The following STARD13 variants were observed in gnomAD, a reference collection of about 807,000 sequenced individuals.
STARD13 encodes StAR related lipid transfer domain containing 13.
In STARD13, 62 loss-of-function variants were observed where a neutral mutation model predicts 106.4. The ratio of observed to expected loss-of-function variants is 0.58; its 90% CI spans 0.48 to 0.72. The LOEUF is 0.72. Ranked by LOEUF, STARD13 falls within the 30% of genes least tolerant of loss-of-function variation. The pLI, the probability that STARD13 is intolerant of heterozygous loss-of-function variation, is 0.00. For missense variants in STARD13, 1,387 were observed against 1,424.0 expected (o/e 0.97, Z 0.42); for synonymous variants, 565 against 553.0 (o/e 1.02, Z -0.31).
intron 12 of STARD13, 104 bp downstream of exon 12, chr13:33,109,768 CG>C (rs1874258111): frequency 9.6e-7 from 1 of 1,046,524 alleles, no homozygotes; most frequent in African/African-American, 1.6e-5. Flanking sequence ...TAGTGTTCCC[CG>C]TGGAGGCTGG....
At chr13:33,593,117 T>G in the STARD13 span, among the ~76,000 whole-genome samples, 1 of 152,208 alleles carries the variant, frequency 6.6e-6, no homozygotes, top group African/African-American at 2.4e-5. Context: ...CTGACAATTA[T>G]GTCAATTCAG....
the STARD13 span, among the ~76,000 whole-genome samples, chr13:33,670,085 G>T: frequency 6.6e-6 from 1 of 152,120 alleles, no homozygotes; most frequent in Admixed American, 6.5e-5. Flanking sequence ...GATCATTTGG[G>T]CTGCAGGATC....
At chr13:33,469,159 A>G in the STARD13 span, among the ~76,000 whole-genome samples, 2 of 152,182 alleles carry the variant, frequency 1.3e-5, no homozygotes, top group African/African-American at 4.8e-5. Flanking sequence ...CCCTAAGAAT[A>G]AGACTATAAG....
chr13:33,111,018 G>A, intron 10 of STARD13, 111 bp from the exon 11 acceptor site: 2 of 861,994 alleles, frequency 2.3e-6, no homozygotes, highest in Admixed American at 2.2e-5. Context: ...CGGGCCGAGG[G>A]CCACACGGCC....
the STARD13 span, among the ~76,000 whole-genome samples, chr13:33,505,249 G>A: frequency 6.6e-6 from 1 of 152,058 alleles, no homozygotes; most frequent in African/African-American, 2.4e-5. Flanking sequence ...TACAAATAAG[G>A]AAACTGAGAA....
At chr13:33,448,846 A>T in the STARD13 span, among the ~76,000 whole-genome samples, 1 of 152,160 alleles carries the variant, frequency 6.6e-6, no homozygotes, top group Non-Finnish European at 1.5e-5. Context: ...ATGATTAAAA[A>T]TGTTGAGCTT....
the STARD13 span, among the ~76,000 whole-genome samples, chr13:33,387,919 G>A: frequency 2.0e-5 from 3 of 152,208 alleles, no homozygotes; most frequent in African/African-American, 7.2e-5. Context: ...TTAGACCACA[G>A]GGTCATTCTT....
At chr13:33,559,120 C>G in the STARD13 span, among the ~76,000 whole-genome samples, 1 of 151,626 alleles carries the variant, frequency 6.6e-6, no homozygotes, top group Non-Finnish European at 1.5e-5. Flanking sequence ...AAAGACTGTT[C>G]GGTTTCTTCC....
intron 1 of STARD13, among the ~76,000 whole-genome samples, chr13:33,298,439 C>T (rs1427032406): frequency 6.6e-6 from 1 of 151,364 alleles, no homozygotes; most frequent in East Asian, 1.9e-4. Context: ...GCCCAATCCC[C>T]ATCTACACTT....
chr13:33,378,447 T>C, the STARD13 span, among the ~76,000 whole-genome samples: 4 of 152,216 alleles, frequency 2.6e-5, no homozygotes, highest in South Asian at 8.3e-4. Context: ...TTGCTGTGGT[T>C]CTCAGGAATA....
the STARD13 span, among the ~76,000 whole-genome samples, chr13:33,422,086 T>C: frequency 2.6e-5 from 4 of 152,112 alleles, no homozygotes; most frequent in Non-Finnish European, 4.4e-5. Flanking sequence ...GTGTTAAAAG[T>C]TCTGGCCAGG....
the STARD13 span, among the ~76,000 whole-genome samples, chr13:33,501,043 C>T: frequency 2.0e-5 from 3 of 148,102 alleles, no homozygotes; most frequent in Admixed American, 1.3e-4. Flanking sequence ...ACAAAAAACC[C>T]TGCCACATCA....
At chr13:33,525,172 C>A in the STARD13 span, among the ~76,000 whole-genome samples, 5 of 151,826 alleles carry the variant, frequency 3.3e-5, no homozygotes, top group Non-Finnish European at 7.4e-5. Flanking sequence ...AAGGCACTTG[C>A]CATTATACCT....
chr13:33,114,845 A>G (rs1875133665), intron 8 of STARD13, among the ~76,000 whole-genome samples: 1 of 152,068 alleles, frequency 6.6e-6, no homozygotes, highest in South Asian at 2.1e-4. Context: ...ATTATTATTT[A>G]CTAAAAACGC....
exon 2 of STARD13, chr13:33,349,100 G>C: frequency 1.4e-6 from 1 of 702,144 alleles, no homozygotes; most frequent in Middle Eastern, 2.3e-4. Flanking sequence ...GTTCAAAGAA[G>C]GTTAAATCTC....
chr13:33,238,710 C>T (rs1889316910), intron 1 of STARD13, among the ~76,000 whole-genome samples: 1 of 152,028 alleles, frequency 6.6e-6, no homozygotes, highest in Non-Finnish European at 1.5e-5. Context: ...CACTTATCAT[C>T]CTTAGGCTTG....
the STARD13 span, among the ~76,000 whole-genome samples, chr13:33,658,017 A>G: frequency 2.6e-4 from 40 of 152,334 alleles, no homozygotes; most frequent in African/African-American, 9.6e-4. Flanking sequence ...AGCCATCTCC[A>G]GAACTTTTTC....
the STARD13 span, among the ~76,000 whole-genome samples, chr13:33,571,233 C>G: frequency 1.3e-5 from 2 of 152,120 alleles, no homozygotes; most frequent in Admixed American, 6.6e-5. Context: ...GTAGAATTAC[C>G]TTTATTTTAA....
At chr13:33,546,625 T>A in the STARD13 span, among the ~76,000 whole-genome samples, 123 of 151,834 alleles carry the variant, frequency 8.1e-4, no homozygotes, top group Non-Finnish European at 1.2e-3. Flanking sequence ...GAGCTAAATT[T>A]ATTTATTATT....
Sources: gnomAD v4.1 joint callset for allele counts (sites outside exome capture counted in the v4.1 genomes callset) on GRCh38, gnomAD v4.1.1 for gene constraint, MANE v1.5 for transcripts, NCBI Gene and HGNC (gene_info 2026-07-23, HGNC 2026-07-21) for gene names.